NTN1: variants seen among roughly 807,000 people sequenced by gnomAD.
NTN1 encodes the protein netrin-1.
A neutral mutation model predicts 54.2 loss-of-function variants in NTN1; 11 were observed. That is an observed-to-expected ratio of 0.20 (90% confidence interval 0.13 to 0.34). NTN1 has a LOEUF of 0.34. NTN1 is among the 10% of genes least tolerant of loss of function. NTN1 has a pLI of 1.00. For synonymous variants in NTN1, 371 were observed against 382.0 expected (o/e 0.97, Z 0.33); for missense variants, 740 against 893.1 (o/e 0.83, Z 2.18).
At chr17:9,034,969 C>A (rs541042747) in intron 2 of NTN1, among the ~76,000 whole-genome samples, 1 of 151,556 alleles carries the variant, frequency 6.6e-6, no homozygotes, top group Non-Finnish European at 1.5e-5. Flanking sequence ...TTTTTTGAGA[C>A]GGAGTTTCGC....
chr17:9,235,451 C>T (rs1044717243), intron 6 of NTN1, among the ~76,000 whole-genome samples: 2 of 140,752 alleles, frequency 1.4e-5, no homozygotes, highest in African/African-American at 5.0e-5. Context: ...AGTGGGAGTT[C>T]AGGCATGCTA....
chr17:9,106,515 TC>T (rs2092167346), intron 2 of NTN1, among the ~76,000 whole-genome samples: 3 of 83,296 alleles, frequency 3.6e-5, no homozygotes, highest in African/African-American at 9.7e-5. Context: ...CTTCCTTCCT[TC>T]CTTCCTTCCT....
At chr17:9,147,746 G>A (rs1254140954) in intron 2 of NTN1, among the ~76,000 whole-genome samples, 6 of 152,254 alleles carry the variant, frequency 3.9e-5, no homozygotes, top group South Asian at 2.1e-4. Context: ...CCTTTGGCCA[G>A]CTGGAATCTG....
In NTN1 at chr17:9,241,911, A is replaced by T. The variant is rs1906227169; in HGVS notation, c.*1943A>T. On this transcript the variant is annotated 3_prime_UTR_variant, in exon 7 of 7. Transcript: ENST00000173229. Reference sequence around the variant, plus strand: ...TCCAGCTCTGCAGCCTACCCGCCCAATCCCTGTGCAGGCTGGGAGGGTGCT... The same window carrying T: ...TCCAGCTCTGCAGCCTACCCGCCCATTCCCTGTGCAGGCTGGGAGGGTGCT... 1 of 152,128 alleles carries T rather than the reference A, an allele frequency of 6.6e-6. No individual in the cohort carries two copies. Among genetic ancestry groups the T allele is most frequent in the African/African-American group, 2.4e-5 (1 of 41,420 alleles). 9.4% of individuals were successfully genotyped at this position (152,128 alleles called of 1,614,324 possible). A position where few individuals can be genotyped will look rare whatever the true frequency, so the allele number is the denominator to read the frequency against.
intron 2 of NTN1, among the ~76,000 whole-genome samples, chr17:9,096,559 G>A (rs1231777692): frequency 2.0e-5 from 3 of 151,846 alleles, no homozygotes; most frequent in African/African-American, 7.3e-5. Flanking sequence ...TTTTAGTAGA[G>A]ACGGGGTTTC....
intron 2 of NTN1, among the ~76,000 whole-genome samples, chr17:9,106,022 A>C (rs2092164986): frequency 6.6e-6 from 1 of 152,148 alleles, no homozygotes; most frequent in South Asian, 2.1e-4. Context: ...CAGCGTCAAC[A>C]ATATCGCCTG....
chr17:9,226,241 C>T (rs909926375), intron 6 of NTN1, among the ~76,000 whole-genome samples: 8 of 151,504 alleles, frequency 5.3e-5, no homozygotes, highest in African/African-American at 9.7e-5. Flanking sequence ...GCGCTGGAGA[C>T]GCAGGTTCCT....
In NTN1 at chr17:9,036,676, C is replaced by T. The variant is rs950890754; in HGVS notation, c.1018+13285C>T. On this transcript the variant is annotated intron_variant, in intron 2 of 6. Transcript: ENST00000173229. ...TGGGCCTCAGTTCTCTCCTGTAAAA[C>T]GAGGGGTTGGGTCACAAAGGTCATG... Among the ~76,000 whole-genome samples, 6 of 152,104 alleles carry T rather than the reference C, an allele frequency of 3.9e-5. No individual in the cohort carries two copies. The East Asian group carries it at 7.7e-4, about 20-fold the overall frequency.
Position 9,022,879 on chromosome 17 carries a change from G to C in NTN1, c.506G>C (p.Arg169Pro). 6.2e-7 allele frequency: 1 copy of C among 1,612,096 alleles called. No individual in the cohort carries two copies. ...MAIYKSMDYG[R>P]TWVPFQFYST... Reference sequence around the variant, plus strand: ...ATCTACAAGTCCATGGACTACGGGCGCACGTGGGTGCCCTTCCAGTTCTAC... The same window carrying C: ...ATCTACAAGTCCATGGACTACGGGCCCACGTGGGTGCCCTTCCAGTTCTAC... Residue 169 changes from arginine (R) to proline (P), a missense_variant, in exon 2 of 7, where the codon CGC becomes CCC. Transcript: ENST00000173229.
chr17:9,028,286 G>T (rs1044559528), intron 2 of NTN1, among the ~76,000 whole-genome samples: 2 of 152,198 alleles, frequency 1.3e-5, no homozygotes, highest in Non-Finnish European at 2.9e-5. Context: ...GTGCCGCTAG[G>T]TACAGTTGAC....
chr17:9,214,551 A>G (rs1367266830), intron 5 of NTN1, among the ~76,000 whole-genome samples: 2 of 152,246 alleles, frequency 1.3e-5, no homozygotes. Context: ...GGCTGGGTGC[A>G]GTGGCTCACG....
At chr17:9,042,095 G>T (rs2091923918) in intron 2 of NTN1, among the ~76,000 whole-genome samples, 2 of 151,888 alleles carry the variant, frequency 1.3e-5, no homozygotes, top group Admixed American at 1.3e-4. Flanking sequence ...CTGTTCCTAG[G>T]ACCCTAGAAC....
intron 6 of NTN1, among the ~76,000 whole-genome samples, chr17:9,223,893 A>G (rs1021953532): frequency 1.3e-4 from 20 of 152,190 alleles, no homozygotes; most frequent in African/African-American, 4.8e-4. Context: ...GCAAGGAGGT[A>G]GGAGGGGAAG....
intron 2 of NTN1, among the ~76,000 whole-genome samples, chr17:9,159,330 G>A (rs1238849491): frequency 2.0e-5 from 3 of 152,232 alleles, no homozygotes; most frequent in Non-Finnish European, 2.9e-5. Context: ...TCGTCTGTGT[G>A]TGTGTGTTTT....
At chr17:9,124,894 T>A (rs1028797427) in intron 2 of NTN1, among the ~76,000 whole-genome samples, 7 of 152,216 alleles carry the variant, frequency 4.6e-5, no homozygotes, top group Admixed American at 2.0e-4. Flanking sequence ...AATATGAGGA[T>A]AATGCTTCAT....
chr17:9,152,146 A>G (rs947415715), intron 2 of NTN1, among the ~76,000 whole-genome samples: 1 of 151,814 alleles, frequency 6.6e-6, no homozygotes, highest in Non-Finnish European at 1.5e-5. Context: ...GCTGCCGCTC[A>G]CTCTTTGGGT....
chr17:9,088,881 T>A (rs947607820), intron 2 of NTN1, among the ~76,000 whole-genome samples: 7 of 152,144 alleles, frequency 4.6e-5, no homozygotes, highest in African/African-American at 1.7e-4. Context: ...TGGCCAGCCA[T>A]CACGAAACCC....
At chr17:9,120,318 G>C (rs1433038998) in intron 2 of NTN1, among the ~76,000 whole-genome samples, 3 of 151,258 alleles carry the variant, frequency 2.0e-5, no homozygotes, top group African/African-American at 7.3e-5. Context: ...TGGAAGGAGT[G>C]CCTTGCCCAT....
At chr17:9,229,174 G>A (rs1027652812) in intron 6 of NTN1, among the ~76,000 whole-genome samples, 3 of 49,636 alleles carry the variant, frequency 6.0e-5, no homozygotes, top group East Asian at 7.1e-4. Context: ...GACTGTGTGT[G>A]TGTGACTGTG....
Sources: gnomAD v4.1 joint callset for allele counts (sites outside exome capture counted in the v4.1 genomes callset) on GRCh38, gnomAD v4.1.1 for gene constraint, MANE v1.5 for transcripts, NCBI Gene and HGNC (gene_info 2026-07-23, HGNC 2026-07-21) for gene names.